The following MB21D2 variants were observed in gnomAD, a reference collection of about 807,000 sequenced individuals.
MB21D2 encodes the protein Mab-21 domain containing 2, also known as nucleotidyltransferase MB21D2.
MB21D2 carries 9 observed loss-of-function variants against 33.3 expected under a neutral mutation model. The observed-to-expected ratio is 0.27, with a 90% CI of 0.16 to 0.47. The LOEUF (loss-of-function observed/expected upper bound fraction) is 0.47. Ranked by LOEUF, MB21D2 falls within the 20% of genes least tolerant of loss-of-function variation. The pLI, the probability that MB21D2 is intolerant of heterozygous loss-of-function variation, is 0.99. For synonymous variants in MB21D2, 241 were observed against 236.3 expected, an observed-to-expected ratio of 1.02 and a Z score of -0.18; for missense variants, 540 against 624.6, an observed-to-expected ratio of 0.86 and a Z score of 1.44.
chr3:192,844,504 A>T (rs890037722), intron 1 of MB21D2, among the ~76,000 whole-genome samples: 1 of 152,132 alleles, frequency 6.6e-6, no homozygotes. Flanking sequence ...TCACCAACTT[A>T]TAAGTAAATG....
chr3:192,898,046 C>G (rs1179410491), intron 1 of MB21D2, among the ~76,000 whole-genome samples: 1 of 151,862 alleles, frequency 6.6e-6, no homozygotes, highest in African/African-American at 2.4e-5. Context: ...GGTATTGGTG[C>G]TATAGTATTA....
In MB21D2 at chr3:192,876,273, G is replaced by A. The variant is rs183149861; in HGVS notation, c.211+41357C>T. On this transcript the variant is annotated intron_variant, in intron 1 of 1. Transcript: ENST00000392452. ...TTTTCTGAGAATGACTCCACCACCC[G>A]TTCTTGCACCCAAGACAGAAACATG... 1.2e-3 allele frequency among the ~76,000 whole-genome samples: 189 copies of A among 152,212 alleles called. 1 individual carries two copies. The highest frequency in any genetic ancestry group is 4.0e-4 in the Non-Finnish European group (27 of 68,018).
chr3:192,897,294 C>CATAGCTTGTTCAAGGTCATCA (rs1714000297), intron 1 of MB21D2, among the ~76,000 whole-genome samples: 1 of 152,112 alleles, frequency 6.6e-6, no homozygotes, highest in Non-Finnish European at 1.5e-5. Context: ...AACCAATGAG[C>CATAGCTTGTTCAAGGTCATCA]AACAGTGGAA....
chr3:192,852,760 A>G (rs1712833797), intron 1 of MB21D2, among the ~76,000 whole-genome samples: 1 of 152,154 alleles, frequency 6.6e-6, no homozygotes. Flanking sequence ...CAAATCCTCC[A>G]ATTTTGCCCT....
At chr3:192,905,652 AAAG>A (rs1262670527) in intron 1 of MB21D2, among the ~76,000 whole-genome samples, 1 of 149,432 alleles carries the variant, frequency 6.7e-6, no homozygotes, top group African/African-American at 2.5e-5. Flanking sequence ...AAAAAAAAAA[AAAG>A]AAAAAGAAAA....
At chr3:192,865,944 C>G (rs1416416651) in intron 1 of MB21D2, among the ~76,000 whole-genome samples, 3 of 152,018 alleles carry the variant, frequency 2.0e-5, no homozygotes, top group South Asian at 2.1e-4. Context: ...ACTCTGGAAG[C>G]TGAGGCGGGA....
rs1338208081 is a variant in MB21D2 at position 192,917,778 on chromosome 3, C to G, written c.63G>C (p.Ala21=). Reference sequence around the variant, plus strand: ...CCGACCTGAAATCCAGCTCCGGGAACGCAGGCTTGTTGTTACAGCCCAGGG... The same window carrying G: ...CCGACCTGAAATCCAGCTCCGGGAAGGCAGGCTTGTTGTTACAGCCCAGGG... The part of the protein sequence containing the change: ...AASLGCNNKP[A]FPELDFRSGA... The change falls in exon 1 of 2, where the codon GCG becomes GCC. Residue 21 remains alanine, a synonymous_variant. Coordinates refer to ENST00000392452, the MANE Select transcript of MB21D2 (RefSeq NM_178496.4). 2.5e-6 allele frequency: 4 copies of G among 1,613,778 alleles called. No individual in the cohort carries two copies. Among genetic ancestry groups the G allele is most frequent in the African/African-American group, 2.7e-5 (2 of 75,056 alleles).
chr3:192,860,064 A>G (rs1713006423), intron 1 of MB21D2, among the ~76,000 whole-genome samples: 1 of 152,250 alleles, frequency 6.6e-6, no homozygotes, highest in African/African-American at 2.4e-5. Flanking sequence ...CCAAAATTAC[A>G]GGCCTTGTTA....
intron 1 of MB21D2, among the ~76,000 whole-genome samples, chr3:192,830,916 C>T (rs951852986): frequency 2.0e-5 from 3 of 152,082 alleles, no homozygotes; most frequent in East Asian, 1.9e-4. Context: ...ATTTAAGAAC[C>T]GACCTATGGG....
chr3:192,825,575 A>T (rs191258693), intron 1 of MB21D2, among the ~76,000 whole-genome samples: 31 of 152,242 alleles, frequency 2.0e-4, no homozygotes, highest in African/African-American at 7.5e-4. Flanking sequence ...CTGCAAGTGG[A>T]ATTTAAATAA....
At chr3:192,899,340 C>T (rs1376935870) in intron 1 of MB21D2, among the ~76,000 whole-genome samples, 1 of 152,064 alleles carries the variant, frequency 6.6e-6, no homozygotes, top group East Asian at 1.9e-4. Flanking sequence ...ACCAGCCTGA[C>T]TAACATGGTG....
intron 1 of MB21D2, among the ~76,000 whole-genome samples, chr3:192,882,019 C>T (rs1429288615): frequency 1.3e-5 from 2 of 152,112 alleles, no homozygotes; most frequent in Non-Finnish European, 2.9e-5. Context: ...TGGCTACTTC[C>T]TTTATAGGAC....
chr3:192,903,050 C>T (rs1295775620), intron 1 of MB21D2, among the ~76,000 whole-genome samples: 2 of 152,216 alleles, frequency 1.3e-5, no homozygotes, highest in African/African-American at 4.8e-5. Flanking sequence ...ATTTATTTAG[C>T]ATCCTTCCTC....
chr3:192,899,048 G>C (rs1027075332), intron 1 of MB21D2, among the ~76,000 whole-genome samples: 2 of 152,198 alleles, frequency 1.3e-5, no homozygotes, highest in Admixed American at 1.3e-4. Flanking sequence ...GAGCACTGAG[G>C]CCCTCTAAAC....
chr3:192,909,963 AGAAAG>A (rs1560258485), intron 1 of MB21D2, among the ~76,000 whole-genome samples: 1 of 131,922 alleles, frequency 7.6e-6, no homozygotes, highest in Non-Finnish European at 1.7e-5. Context: ...AAAAAAAAAA[AGAAAG>A]AGAGAGAGAG....
At chr3:192,898,621 C>T (rs1714028082) in intron 1 of MB21D2, among the ~76,000 whole-genome samples, 1 of 152,098 alleles carries the variant, frequency 6.6e-6, no homozygotes, top group African/African-American at 2.4e-5. Flanking sequence ...GCCAACGATA[C>T]CAGCAATATT....
At chr3:192,849,154 T>G (rs1712733007) in intron 1 of MB21D2, among the ~76,000 whole-genome samples, 1 of 151,888 alleles carries the variant, frequency 6.6e-6, no homozygotes, top group Non-Finnish European at 1.5e-5. Flanking sequence ...GCCACTGGAG[T>G]GACAAGCTGG....
intron 1 of MB21D2, among the ~76,000 whole-genome samples, chr3:192,860,472 A>G (rs1375109497): frequency 6.6e-6 from 1 of 152,256 alleles, no homozygotes; most frequent in Admixed American, 6.5e-5. Flanking sequence ...TAGCATGCAT[A>G]AAAAATAAAG....
intron 1 of MB21D2, among the ~76,000 whole-genome samples, chr3:192,843,747 T>TCCTGGAGGCTGTTTA: frequency 6.6e-6 from 1 of 152,240 alleles, no homozygotes; most frequent in South Asian, 2.1e-4. Flanking sequence ...TTATTTCACT[T>TCCTGGAGGCTGTTTA]CCTGGAGGCC....
Sources: gnomAD v4.1 joint callset for allele counts (sites outside exome capture counted in the v4.1 genomes callset) on GRCh38, gnomAD v4.1.1 for gene constraint, MANE v1.5 for transcripts, NCBI Gene and HGNC (gene_info 2026-07-23, HGNC 2026-07-21) for gene names.